The following RGS9 variants were observed in gnomAD, a reference collection of about 807,000 sequenced individuals.
The protein encoded by RGS9 is regulator of G protein signaling 9.
Under a neutral mutation model 102.0 loss-of-function variants are expected in RGS9, and 78 were observed. The observed-to-expected ratio is 0.76, with a 90% CI of 0.64 to 0.92. The LOEUF (loss-of-function observed/expected upper bound fraction) is 0.92, where lower values mean the gene tolerates loss of function less well. Ranked by LOEUF, RGS9 falls within the 40% of genes least tolerant of loss-of-function variation. The pLI is 0.00. For missense variants in RGS9, 833 were observed against 866.1 expected (o/e 0.96, Z 0.48); for synonymous variants, 353 against 318.6 (o/e 1.11, Z -1.15).
At position 65,155,705 on chromosome 17, in the gene RGS9, C is replaced by T. The variant is rs554630633; in HGVS notation, c.154+2187C>T. Among the ~76,000 whole-genome samples, 49 of 152,130 alleles carry T rather than the reference C, an allele frequency of 3.2e-4. No homozygotes were observed. The South Asian group carries it at 9.1e-3, about 28-fold the overall frequency. On this transcript the variant is annotated intron_variant, in intron 2 of 18. Coordinates refer to ENST00000262406, the MANE Select transcript of RGS9 (RefSeq NM_003835.4). ...ACCAGCTTGAGACTCCACAGCTGGC[C>T]AGTTTTCTCATTTTTAATGCAAGAA...
chr17:65,225,023 A>T lies in RGS9; in HGVS notation c.1429A>T (p.Ser477Cys), dbSNP rs1885081157. 3.1e-6 allele frequency: 5 copies of T among 1,613,602 alleles called. No individual in the cohort carries two copies. Among genetic ancestry groups the T allele is most frequent in the Non-Finnish European group, 4.2e-6 (5 of 1,179,894 alleles). ...ACAGCCGGGCCAGCACATGGCTCCCAGCCCCCATCTGACCGTGTACACCGG... is the reference window on the plus strand; with the variant it reads ...ACAGCCGGGCCAGCACATGGCTCCCTGCCCCCATCTGACCGTGTACACCGG... ...ITQPGQHMAP[S>C]PHLTVYTGTC... The change falls in exon 18 of 19, where the codon AGC becomes TGC. Residue 477 changes from serine (S) to cysteine (C), a missense_variant. Physicochemically the swap from Ser to Cys is moderately radical, Grantham distance 112. Transcript: ENST00000262406.
chr17:65,183,000 C>T (rs16960881), intron 9 of RGS9, among the ~76,000 whole-genome samples: 1 of 152,228 alleles, frequency 6.6e-6, no homozygotes, highest in East Asian at 1.9e-4. Flanking sequence ...CTATTTACTT[C>T]ACATGATCGC....
At chr17:65,202,444 T>TGTGTGTGTGAGAGAGA (rs3838367) in intron 14 of RGS9, among the ~76,000 whole-genome samples, 1 of 131,708 alleles carries the variant, frequency 7.6e-6, no homozygotes, top group African/African-American at 3.1e-5. Flanking sequence ...TGTGTGTGTG[T>TGTGTGTGTGAGAGAGA]GAGAGAGAGA....
chr17:65,168,276 T>A lies in RGS9; in HGVS notation c.577T>A (p.Cys193Ser). The A allele has an allele frequency of 6.2e-7, 1 of 1,606,196 alleles. No individual in the cohort carries two copies. Among genetic ancestry groups the A allele is most frequent in the Admixed American group, 1.7e-5 (1 of 59,496 alleles). Residue 193 changes from cysteine (C) to serine (S), a missense_variant, in exon 8 of 19, where the codon TGC becomes AGC. By Grantham distance (112) the Cys-to-Ser change is moderately radical. This residue lies in a region of RGS9 where 328 missense variants were observed against 340.6 expected (regional missense o/e 0.96). Transcript: ENST00000262406. ...QEKAYWLVHRCPPGMDNVLDY... is the reference protein window; with the variant it reads ...QEKAYWLVHRSPPGMDNVLDY... ...GAAGGCATACTGGCTGGTGCACCGA[T>A]GCCCTGTGAGTATCCTCCTGCCTGG...
intron 17 of RGS9, among the ~76,000 whole-genome samples, chr17:65,215,536 CTTTCTTTCTTTT>C (rs1913487262): frequency 7.8e-6 from 1 of 128,872 alleles, no homozygotes; most frequent in Non-Finnish European, 1.6e-5. Context: ...TTCTTTCTTT[CTTTCTTTCTTTT>C]TTTTTGTTTT....
Position 65,162,984 on chromosome 17 carries a change from T to A in RGS9, c.424-29T>A, listed in dbSNP as rs76125577. 13,491 of 1,258,688 alleles carry A rather than the reference T, an allele frequency of 0.011. 1,095 individuals are homozygous for A. The African/African-American group carries it at 0.18, about 16-fold the overall frequency. 78.0% of individuals were successfully genotyped at this position (1,258,688 alleles called of 1,614,324 possible). ...GCACATGGCATATGTCTTGGGGCTT[T>A]CTGTTCTCATTTTGTTTTTCTTCTT... On this transcript the variant is annotated intron_variant, in intron 6 of 18. Transcript: ENST00000262406.
chr17:65,163,047 A>C lies in RGS9; in HGVS notation c.458A>C (p.Tyr153Ser), dbSNP rs755034844. The change falls in exon 7 of 19, where the codon TAT becomes TCT. Residue 153 changes from tyrosine to serine, a missense_variant. Tyr to Ser is a moderately radical substitution (Grantham distance 144). Transcript: ENST00000262406. ...AATTTCTTGAACCAAAAAATGAACT[A>C]TAAGTGGGACTTTGTCATTATGCAG... Reference protein sequence around the residue: ...NYNFLNQKMNYKWDFVIMQAK... With the variant: ...NYNFLNQKMNSKWDFVIMQAK... 1.9e-6 allele frequency: 3 copies of C among 1,603,512 alleles called. No individual in the cohort carries two copies. Among genetic ancestry groups the C allele is most frequent in the Admixed American group, 3.3e-5 (2 of 59,822 alleles).
chr17:65,147,919 G>T (rs1415600283), intron 1 of RGS9, among the ~76,000 whole-genome samples: 1 of 128,694 alleles, frequency 7.8e-6, no homozygotes, highest in East Asian at 2.4e-4. Flanking sequence ...ATTTTATTGT[G>T]GTGAGAACAT....
At chr17:65,153,886 T>C (rs1403461939) in intron 2 of RGS9, among the ~76,000 whole-genome samples, 1 of 149,394 alleles carries the variant, frequency 6.7e-6, no homozygotes, top group Non-Finnish European at 1.5e-5. Flanking sequence ...CGAGACTCCG[T>C]CTCAAACAAA....
intron 9 of RGS9, among the ~76,000 whole-genome samples, chr17:65,179,418 C>A (rs145906958): frequency 3.9e-5 from 6 of 152,220 alleles, no homozygotes; most frequent in East Asian, 1.9e-4. Flanking sequence ...ACTGCTGAGG[C>A]CTTGTAGGCT....
intron 17 of RGS9, among the ~76,000 whole-genome samples, chr17:65,211,525 T>G (rs1451162510): frequency 4.6e-5 from 7 of 152,148 alleles, no homozygotes; most frequent in Non-Finnish European, 7.4e-5. Context: ...TCTAGGACAT[T>G]TTCTAGATGT....
At chr17:65,194,471 GA>G (rs1485113070) in intron 12 of RGS9, among the ~76,000 whole-genome samples, 4 of 152,276 alleles carry the variant, frequency 2.6e-5, no homozygotes, top group African/African-American at 9.6e-5. Flanking sequence ...GATTGGTTTT[GA>G]AAATTAAAAA....
chr17:65,142,212 C>T (rs562366849), intron 1 of RGS9, among the ~76,000 whole-genome samples: 1 of 152,280 alleles, frequency 6.6e-6, no homozygotes, highest in East Asian at 1.9e-4. Context: ...CCACCGCACT[C>T]CAGCCTGGGT....
chr17:65,187,224 G>A (rs1373575924), intron 9 of RGS9, among the ~76,000 whole-genome samples: 4 of 152,100 alleles, frequency 2.6e-5, no homozygotes, highest in African/African-American at 7.2e-5. Context: ...ACTCTGCATC[G>A]GACATTGTGC....
At position 65,225,482 on chromosome 17, in the gene RGS9, G is replaced by A. The variant is rs768033408; in HGVS notation, c.1888G>A (p.Ala630Thr). 1.0e-5 allele frequency: 16 copies of A among 1,601,918 alleles called. No homozygotes were observed. The Admixed American group carries it at 1.0e-4, about 10-fold the overall frequency. ...GCCACGATTGAAATCCAAGAGAGTA[G>A]CAAAGTAAGAACCCGAAGGGGACGT... The part of the protein sequence containing the change: ...QLPRLKSKRV[A>T]NFFQIKMDVP... The change falls in exon 18 of 19, where the codon GCA (alanine) becomes ACA (threonine). Residue 630 changes from alanine to threonine, a missense_variant. Physicochemically the swap from Ala to Thr is moderately conservative, Grantham distance 58 (BLOSUM62 0). Coordinates refer to ENST00000262406, the MANE Select transcript of RGS9 (RefSeq NM_003835.4).
rs564726895 is a variant in RGS9, at chr17:65,177,558, A to G, written c.583-174A>G. ...GATACTGGGAGGCATAACAGCCCTC[A>G]TGAAGCTCAACAGCTCACCTGGAGG... On this transcript the variant is annotated intron_variant, in intron 8 of 18. Coordinates refer to ENST00000262406, the MANE Select transcript of RGS9 (RefSeq NM_003835.4). 2.6e-5 allele frequency among the ~76,000 whole-genome samples: 4 copies of G among 152,346 alleles called. No individual in the cohort carries two copies. The South Asian group carries it at 8.3e-4, about 32-fold the overall frequency.
At chr17:65,153,328 G>T (rs1910651211) in intron 1 of RGS9, 94 bp from the exon 2 acceptor site, 1 of 1,061,676 alleles carries the variant, frequency 9.4e-7, no homozygotes, top group African/African-American at 1.6e-5. Context: ...GTCCACCTTT[G>T]CATTTTGAGG....
intron 17 of RGS9, among the ~76,000 whole-genome samples, chr17:65,214,761 A>C (rs553448050): frequency 6.6e-6 from 1 of 152,200 alleles, no homozygotes; most frequent in Admixed American, 6.5e-5. Flanking sequence ...TTGCATAACC[A>C]TTTGGTGGCC....
intron 15 of RGS9, among the ~76,000 whole-genome samples, chr17:65,205,001 C>T (rs1032232623): frequency 2.0e-5 from 3 of 152,124 alleles, no homozygotes; most frequent in Admixed American, 6.5e-5. Flanking sequence ...CACATAGAGG[C>T]GTAGTGTCTA....
Sources: allele counts gnomAD v4.1 joint callset (sites outside exome capture counted in the v4.1 genomes callset), GRCh38; gene constraint gnomAD v4.1.1; regional missense constraint gnomAD v4.1.1; transcripts MANE v1.5; gene names NCBI Gene and HGNC (gene_info 2026-07-23, HGNC 2026-07-21).